UBE2U: variants seen among roughly 807,000 people sequenced by gnomAD.
UBE2U encodes ubiquitin-conjugating enzyme E2 U.
Under a neutral mutation model 41.2 loss-of-function variants are expected in UBE2U, and 39 were observed. The ratio of observed to expected loss-of-function variants is 0.95; its 90% CI spans 0.73 to 1.24. UBE2U has a LOEUF of 1.24. Among genes scored for constraint, UBE2U ranks in the 50% most tolerant of loss-of-function variants. UBE2U has a pLI of 0.00. For missense variants in UBE2U, 336 were observed against 363.1 expected (o/e 0.93, Z 0.61); for synonymous variants, 107 against 117.8 (o/e 0.91, Z 0.60).
chr1:64,235,878 T>C (rs931738296), intron 7 of UBE2U, among the ~76,000 whole-genome samples: 1 of 152,204 alleles, frequency 6.6e-6, no homozygotes, highest in African/African-American at 2.4e-5. Flanking sequence ...ACCTAATATA[T>C]GTCGTGCACG....
intron 3 of UBE2U, among the ~76,000 whole-genome samples, chr1:64,208,404 G>A (rs552238768): frequency 6.6e-6 from 1 of 151,816 alleles, no homozygotes; most frequent in East Asian, 1.9e-4. Flanking sequence ...CCAGGAGTTT[G>A]ACACCAGCCT....
intron 7 of UBE2U, among the ~76,000 whole-genome samples, chr1:64,237,549 C>A (rs1314917157): frequency 6.6e-6 from 1 of 152,136 alleles, no homozygotes; most frequent in East Asian, 1.9e-4. Flanking sequence ...TTCATTGTTT[C>A]TCTCCGATCA....
intron 4 of UBE2U, among the ~76,000 whole-genome samples, chr1:64,213,843 A>C (rs1394815502): frequency 6.6e-6 from 1 of 152,200 alleles, no homozygotes; most frequent in African/African-American, 2.4e-5. Context: ...AATACATACG[A>C]AGGCTATGTT....
chr1:64,218,455 T>C (rs1652184151), intron 5 of UBE2U, among the ~76,000 whole-genome samples: 1 of 152,214 alleles, frequency 6.6e-6, no homozygotes, highest in Admixed American at 6.5e-5. Flanking sequence ...TGTTGATAGT[T>C]TTAGAGGACA....
chr1:64,230,964 C>G (rs1442978921), intron 6 of UBE2U, among the ~76,000 whole-genome samples: 4 of 152,126 alleles, frequency 2.6e-5, no homozygotes, highest in Non-Finnish European at 5.9e-5. Flanking sequence ...TCCCTGTAAG[C>G]TTACTTTATC....
chr1:64,212,021 A>G (rs1259004772), intron 4 of UBE2U, among the ~76,000 whole-genome samples: 1 of 152,192 alleles, frequency 6.6e-6, no homozygotes, highest in African/African-American at 2.4e-5. Flanking sequence ...ATAAAATAAT[A>G]CTTTCCTGGC....
chr1:64,204,890 A>G (rs138036304), intron 1 of UBE2U, among the ~76,000 whole-genome samples: 363 of 152,352 alleles, frequency 2.4e-3, no homozygotes, highest in African/African-American at 8.2e-3. Context: ...AGGAACAATT[A>G]TGGAGTCCAA....
At chr1:64,239,125 A>AG (rs1491143270) in intron 7 of UBE2U, among the ~76,000 whole-genome samples, 759 of 24,048 alleles carry the variant, frequency 0.032, 33 homozygotes, top group East Asian at 0.092. Context: ...AAGAAGAAGA[A>AG]GAAGAAGAAG....
chr1:64,220,053 T>C (rs766054499), intron 5 of UBE2U, among the ~76,000 whole-genome samples: 2 of 152,246 alleles, frequency 1.3e-5, no homozygotes, highest in Non-Finnish European at 2.9e-5. Context: ...CTTGCTCAAA[T>C]GTCTAGTGAT....
chr1:64,228,724 C>G (rs1271455472), intron 6 of UBE2U, among the ~76,000 whole-genome samples: 1 of 122,006 alleles, frequency 8.2e-6, no homozygotes, highest in Non-Finnish European at 1.6e-5. Context: ...GAGTCTTGCT[C>G]TGTCGCCCAG....
At chr1:64,241,133 G>C (rs1368444422) in intron 7 of UBE2U, among the ~76,000 whole-genome samples, 3 of 152,172 alleles carry the variant, frequency 2.0e-5, no homozygotes, top group South Asian at 2.1e-4. Context: ...AGGCACTTCA[G>C]TTACTTTCCT....
chr1:64,262,794 A>G (rs1225986784), intron 9 of UBE2U, among the ~76,000 whole-genome samples: 1 of 152,140 alleles, frequency 6.6e-6, no homozygotes, highest in Non-Finnish European at 1.5e-5. Flanking sequence ...CTCAGGTGTA[A>G]ATACCAGGAT....
Position 64,244,347 on chromosome 1 carries a change from T to C in UBE2U, c.677+2614T>C, listed in dbSNP as rs561122582. On this transcript the variant is annotated intron_variant, in intron 8 of 9. Transcript: ENST00000371077. ...AATAAAAATTATATAAAAATGTGTA[T>C]ATTATATATCTGTTACATATATAAA... 5.5e-4 allele frequency: 449 copies of C among 813,482 alleles called. 3 individuals are homozygous for C. The African/African-American group carries it at 7.8e-3, about 14-fold the overall frequency. The allele number at this position is 813,482 out of a possible 1,614,324, so 50.4% of individuals were successfully genotyped here.
In UBE2U at chr1:64,267,105, A is replaced by T. The variant is rs1645266041; in HGVS notation, c.851A>T (p.Asp284Val). 1 of 1,550,510 alleles carries T rather than the reference A, an allele frequency of 6.4e-7. No homozygotes were observed. The highest frequency in any genetic ancestry group is 2.4e-5 in the East Asian group (1 of 40,908). ...YETEEEGWKS[D>V]TSLYENDTDE... Reference sequence around the variant, plus strand: ...ACAGAAGAGGAGGGGTGGAAGAGTGACACTTCATTATATGAAAATGACACA... The same window carrying T: ...ACAGAAGAGGAGGGGTGGAAGAGTGTCACTTCATTATATGAAAATGACACA... Residue 284 changes from aspartate (D) to valine (V), a missense_variant, in exon 10 of 10, where the codon GAC becomes GTC. By Grantham distance (152) the Asp-to-Val change is radical (BLOSUM62 -3). Transcript: ENST00000371077.
chr1:64,209,545 A>G (rs1651535451), intron 3 of UBE2U, among the ~76,000 whole-genome samples: 2 of 152,180 alleles, frequency 1.3e-5, no homozygotes, highest in South Asian at 4.1e-4. Flanking sequence ...CCATTCATCA[A>G]GTGCGTTCTC....
intron 8 of UBE2U, among the ~76,000 whole-genome samples, chr1:64,249,147 C>T (rs1046467041): frequency 6.6e-6 from 1 of 151,894 alleles, no homozygotes; most frequent in Admixed American, 6.6e-5. Context: ...GAGGACAAGG[C>T]GGACAGATCA....
intron 6 of UBE2U, among the ~76,000 whole-genome samples, chr1:64,227,232 C>T (rs899281970): frequency 6.6e-6 from 1 of 152,140 alleles, no homozygotes; most frequent in Non-Finnish European, 1.5e-5. Flanking sequence ...TGTCTACTAC[C>T]ACCACTTCTA....
intron 4 of UBE2U, among the ~76,000 whole-genome samples, chr1:64,211,987 T>TC (rs1171515862): frequency 3.9e-5 from 6 of 152,354 alleles, no homozygotes; most frequent in African/African-American, 1.4e-4. Flanking sequence ...TTGCATTTCT[T>TC]CTATTTCTTG....
chr1:64,203,796 G>A lies in UBE2U; in HGVS notation c.-255G>A, dbSNP rs1651118595. ...TGAGACTGGGCTGTGAGCCGGCACT[G>A]CAGTGAAACGCCGCAGATGAGGAAG... On this transcript the variant is annotated 5_prime_UTR_variant, in exon 1 of 10. Transcript: ENST00000371077. 2 of 381,540 alleles carry A rather than the reference G, an allele frequency of 5.2e-6. No individual in the cohort carries two copies. Among genetic ancestry groups the A allele is most frequent in the South Asian group, 1.6e-4 (2 of 12,394 alleles). 23.6% of individuals were successfully genotyped at this position (381,540 alleles called of 1,614,324 possible). A position where few individuals can be genotyped will look rare whatever the true frequency, so the allele number is the denominator to read the frequency against.
Sources: allele counts gnomAD v4.1 joint callset (sites outside exome capture counted in the v4.1 genomes callset), GRCh38; gene constraint gnomAD v4.1.1; transcripts MANE v1.5; gene names NCBI Gene and HGNC (gene_info 2026-07-23, HGNC 2026-07-21).